Variants in CACHD1 observed in about 807,000 individuals in gnomAD.
CACHD1 encodes cache domain containing 1.
Under a neutral mutation model 138.7 loss-of-function variants are expected in CACHD1, and 71 were observed. That is an observed-to-expected ratio of 0.51 (90% CI 0.42 to 0.62). The LOEUF (loss-of-function observed/expected upper bound fraction) is 0.62, where lower values mean the gene tolerates loss of function less well. CACHD1 is among the 20% of genes least tolerant of loss of function. The probability of loss-of-function intolerance (pLI) is 0.00; values close to 1 mark genes in which losing one functional copy is unlikely to be tolerated. For synonymous variants in CACHD1, 578 were observed against 591.5 expected, an observed-to-expected ratio of 0.98 and a Z score of 0.33; for missense variants, 1,389 against 1,625.3, an observed-to-expected ratio of 0.85 and a Z score of 2.50.
intron 2 of CACHD1, among the ~76,000 whole-genome samples, chr1:64,552,471 GTTT>G (rs34499860): frequency 9.8e-5 from 12 of 122,904 alleles, no homozygotes; most frequent in Non-Finnish European, 9.0e-5. Context: ...ATTTTGTTTT[GTTT>G]TTTTTTTTTT....
intron 1 of CACHD1, among the ~76,000 whole-genome samples, chr1:64,508,482 G>T (rs1164297418): frequency 1.3e-5 from 2 of 152,134 alleles, no homozygotes; most frequent in Middle Eastern, 6.3e-3. Context: ...GTGTGACCTT[G>T]GATTAGCAAA....
At chr1:64,634,310 A>G in intron 7 of CACHD1, 50 bp downstream of exon 7, 2 of 1,289,688 alleles carry the variant, frequency 1.6e-6, no homozygotes, top group Non-Finnish European at 2.3e-6. Flanking sequence ...TAAAGATGGC[A>G]ATAGGAATAT....
intron 3 of CACHD1, among the ~76,000 whole-genome samples, chr1:64,589,424 G>A (rs548815305): frequency 1.3e-5 from 2 of 152,162 alleles, no homozygotes; most frequent in African/African-American, 4.8e-5. Context: ...GAATAGCACC[G>A]TTATAACCTT....
intron 1 of CACHD1, among the ~76,000 whole-genome samples, chr1:64,549,509 G>A (rs963788032): frequency 3.9e-5 from 6 of 151,928 alleles, no homozygotes; most frequent in Admixed American, 1.3e-4. Flanking sequence ...TCCACCCCCC[G>A]ACCAAACCTC....
At chr1:64,673,099 C>T (rs1427556437) in intron 17 of CACHD1, 59 bp from the exon 18 acceptor site, 12 of 1,291,812 alleles carry the variant, frequency 9.3e-6, no homozygotes, top group South Asian at 3.6e-5. Flanking sequence ...TCTCTGAATA[C>T]GTTTGAAAAA....
intron 4 of CACHD1, among the ~76,000 whole-genome samples, chr1:64,626,901 A>G (rs916527963): frequency 4.0e-5 from 6 of 151,856 alleles, no homozygotes; most frequent in African/African-American, 1.5e-4. Context: ...TGTATTTCCA[A>G]TCTCCCTCAA....
intron 4 of CACHD1, among the ~76,000 whole-genome samples, chr1:64,607,405 G>C (rs1570411977): frequency 6.6e-6 from 1 of 152,178 alleles, no homozygotes; most frequent in Non-Finnish European, 1.5e-5. Flanking sequence ...GCTTGTCAAG[G>C]GTTGTTTGGT....
rs761152853 is a variant in CACHD1 at position 64,654,800 on chromosome 1, G to C, written c.1779G>C (p.Lys593Asn). ...CCTACAATGTTAGCTATGCCTGGAA[G>C]ATGGTGAGTGAGAGGAAGTTGTGTT... ...KEAYNVSYAW[K>N]MVQDTSFILC... The change falls in exon 12 of 27, where the codon AAG becomes AAC. Residue 593 changes from lysine to asparagine, a missense_variant. Coordinates refer to ENST00000651257, the MANE Select transcript of CACHD1 (RefSeq NM_020925.4). The C allele has an allele frequency of 2.5e-6, 4 of 1,602,456 alleles. No individual in the cohort carries two copies. In the South Asian group the frequency reaches 4.4e-5, roughly 18 times the overall value.
rs146388074 is a variant in CACHD1 at position 64,584,391 on chromosome 1, A to C, written c.410+2087A>C. Among the ~76,000 whole-genome samples the C allele has an allele frequency of 2.1e-3, 319 of 152,276 alleles. 2 individuals are homozygous for C. Among genetic ancestry groups the C allele is most frequent in the African/African-American group, 7.2e-3 (298 of 41,566 alleles). On this transcript the variant is annotated intron_variant, in intron 3 of 26. Coordinates refer to ENST00000651257, the MANE Select transcript of CACHD1 (RefSeq NM_020925.4). ...GGGATCTTCATAAATTCCTAAGTAG[A>C]ACTAGTGCTCTAGAGGGGAAAAAAC... is the stretch of plus-strand genomic sequence containing the variant.
intron 4 of CACHD1, among the ~76,000 whole-genome samples, chr1:64,603,399 C>T (rs895009590): frequency 2.6e-5 from 4 of 152,002 alleles, no homozygotes; most frequent in Admixed American, 6.6e-5. Flanking sequence ...CCACCACGCC[C>T]GGCCAATATC....
At position 64,655,269 on chromosome 1, in the gene CACHD1, A is replaced by G. The variant is rs564612083; in HGVS notation, c.1782+466A>G. On this transcript the variant is annotated intron_variant, in intron 12 of 26. Coordinates refer to ENST00000651257, the MANE Select transcript of CACHD1 (RefSeq NM_020925.4). ...TCCTTCCTTTGACTTTTCATTCCCC[A>G]TAAGTAGCCACTTAAATCAATTTCC... is the stretch of plus-strand genomic sequence containing the variant. Among the ~76,000 whole-genome samples, 21 of 152,242 alleles carry G rather than the reference A, an allele frequency of 1.4e-4. No individual in the cohort carries two copies. In the South Asian group the frequency reaches 3.9e-3, roughly 29 times the overall value.
chr1:64,478,923 G>T (rs755061086), intron 1 of CACHD1, among the ~76,000 whole-genome samples: 20 of 151,684 alleles, frequency 1.3e-4, no homozygotes, highest in Non-Finnish European at 2.5e-4. Context: ...GAGAAGCTGG[G>T]TGTCTGTTTT....
At position 64,691,765 on chromosome 1, in the gene CACHD1, G is replaced by A; in HGVS notation, c.*204G>A. The A allele has an allele frequency of 1.7e-6, 1 of 582,590 alleles. No individual in the cohort carries two copies. The highest frequency in any genetic ancestry group is 2.1e-5 in the South Asian group (1 of 47,142). 36.1% of individuals were successfully genotyped at this position (582,590 alleles called of 1,614,324 possible). ...GTCACATTTGTGAAGATGTGAGGCTGGTTCTGAAATGGAGGGGAAATAAGC... is the reference window on the plus strand; with the variant it reads ...GTCACATTTGTGAAGATGTGAGGCTAGTTCTGAAATGGAGGGGAAATAAGC... On this transcript the variant is annotated 3_prime_UTR_variant, in exon 27 of 27. Coordinates refer to ENST00000651257, the MANE Select transcript of CACHD1 (RefSeq NM_020925.4).
At chr1:64,669,467 TC>T (rs564010262) in intron 16 of CACHD1, among the ~76,000 whole-genome samples, 152 of 152,202 alleles carry the variant, frequency 1.0e-3, no homozygotes, top group Non-Finnish European at 2.0e-3. Flanking sequence ...AATTCAACAC[TC>T]ACTTATCAGT....
At chr1:64,682,497 C>T (rs1033177087) in intron 26 of CACHD1, among the ~76,000 whole-genome samples, 1 of 152,290 alleles carries the variant, frequency 6.6e-6, no homozygotes, top group East Asian at 1.9e-4. Context: ...CTTGCCCTGA[C>T]CTCTGGCATG....
chr1:64,524,248 C>G (rs761237662), intron 1 of CACHD1, among the ~76,000 whole-genome samples: 5 of 152,164 alleles, frequency 3.3e-5, no homozygotes, highest in African/African-American at 4.8e-5. Context: ...AAAGGAGGAG[C>G]AGCTTTGAGT....
intron 1 of CACHD1, among the ~76,000 whole-genome samples, chr1:64,519,079 G>A (rs547091774): frequency 4.6e-5 from 7 of 152,246 alleles, no homozygotes; most frequent in African/African-American, 1.4e-4. Flanking sequence ...CTGAGTGAAA[G>A]CTTTACAATT....
chr1:64,486,086 T>G (rs149470450), intron 1 of CACHD1, among the ~76,000 whole-genome samples: 2,269 of 152,276 alleles, frequency 0.015, 67 homozygotes, highest in African/African-American at 0.052. Context: ...ATCTCATTGT[T>G]GTTTTAGTGA....
Position 64,602,881 on chromosome 1 carries a change from G to T in CACHD1, c.486G>T (p.Arg162=). 1 of 1,613,114 alleles carries T rather than the reference G, an allele frequency of 6.2e-7. No homozygotes were observed. Among genetic ancestry groups the T allele is most frequent in the East Asian group, 2.2e-5 (1 of 44,826 alleles). Residue 162 remains arginine (R), a synonymous_variant, in exon 4 of 27, where the codon CGG becomes CGT. Coordinates refer to ENST00000651257, the MANE Select transcript of CACHD1 (RefSeq NM_020925.4). ...GACTTTCTACTACTGTTAATAGCCG[G>T]GCCTTCAATCCAGGACGAGACTTAA... is the stretch of plus-strand genomic sequence containing the variant. The part of the protein sequence containing the change: ...CDRLSTTVNS[R]AFNPGRDLNS...
Sources: allele counts gnomAD v4.1 joint callset (sites outside exome capture counted in the v4.1 genomes callset), GRCh38; gene constraint gnomAD v4.1.1; transcripts MANE v1.5; gene names NCBI Gene and HGNC (gene_info 2026-07-23, HGNC 2026-07-21).